Variants in CERT1 observed in about 807,000 individuals in gnomAD.
The protein encoded by CERT1 is ceramide transporter 1, also known as ceramide transfer protein.
Under a neutral mutation model 87.9 loss-of-function variants are expected in CERT1, and 31 were observed. The observed-to-expected ratio is 0.35, with a 90% CI of 0.27 to 0.48. The LOEUF is 0.48. Ranked by LOEUF, CERT1 falls within the 20% of genes least tolerant of loss-of-function variation. CERT1 has a pLI of 0.99. For missense variants in CERT1, 487 were observed against 758.0 expected (o/e 0.64, Z 4.20); for synonymous variants, 289 against 250.9 (o/e 1.15, Z -1.44).
intron 5 of CERT1, among the ~76,000 whole-genome samples, chr5:75,423,918 T>TA (rs1374157280): frequency 6.6e-6 from 1 of 151,926 alleles, no homozygotes; most frequent in African/African-American, 2.4e-5. Flanking sequence ...GAATATAGAA[T>TA]AGACAAAAAG....
At chr5:75,500,684 T>C (rs796256392) in intron 2 of CERT1, among the ~76,000 whole-genome samples, 7 of 152,308 alleles carry the variant, frequency 4.6e-5, no homozygotes, top group African/African-American at 1.7e-4. Flanking sequence ...TTCCTCTCTT[T>C]CCTTTAGTTC....
chr5:75,462,860 C>T (rs1207372072), intron 2 of CERT1, among the ~76,000 whole-genome samples: 5 of 151,480 alleles, frequency 3.3e-5, no homozygotes, highest in Admixed American at 6.6e-5. Flanking sequence ...GGTGTGGTGG[C>T]GCGCGCCTGT....
chr5:75,446,709 G>A (rs1435136899), intron 3 of CERT1, among the ~76,000 whole-genome samples: 2 of 152,142 alleles, frequency 1.3e-5, no homozygotes, highest in Non-Finnish European at 2.9e-5. Context: ...CAAGGATCCA[G>A]CCTGAGGTGG....
Position 75,379,250 on chromosome 5 carries a change from GTAAATACTTT to G in CERT1, c.*86_*95del. ...CTATAGGGGAACATCAAAAAACATAGTAAATACTTTCAACAACTAAATTTTAGTATTGACA... is the reference window on the plus strand; with the variant it reads ...CTATAGGGGAACATCAAAAAACATAGCAACAACTAAATTTTAGTATTGACA... On this transcript the variant is annotated 3_prime_UTR_variant, in exon 17 of 17. Coordinates refer to ENST00000643780, the MANE Select transcript of CERT1 (RefSeq NM_001379029.1). The G allele has an allele frequency of 8.9e-7, 1 of 1,120,234 alleles. No individual in the cohort carries two copies. Among genetic ancestry groups the G allele is most frequent in the Non-Finnish European group, 1.3e-6 (1 of 772,408 alleles). 69.4% of individuals were successfully genotyped at this position (1,120,234 alleles called of 1,614,324 possible). A position where few individuals can be genotyped will look rare whatever the true frequency, so the allele number is the denominator to read the frequency against.
At chr5:75,405,377 C>T (rs1468641571) in intron 8 of CERT1, among the ~76,000 whole-genome samples, 1 of 152,146 alleles carries the variant, frequency 6.6e-6, no homozygotes, top group African/African-American at 2.4e-5. Context: ...TTGCTCTACC[C>T]ACAGCATTCT....
intron 11 of CERT1, among the ~76,000 whole-genome samples, chr5:75,398,986 A>G (rs1762365670): frequency 6.6e-6 from 1 of 152,242 alleles, no homozygotes; most frequent in Non-Finnish European, 1.5e-5. Context: ...CACGTCCATC[A>G]AAACTGCTAA....
chr5:75,503,909 T>TA (rs1767526649), intron 2 of CERT1, among the ~76,000 whole-genome samples: 1 of 151,492 alleles, frequency 6.6e-6, no homozygotes, highest in African/African-American at 2.4e-5. Flanking sequence ...ATTAAATGTT[T>TA]AATTTAAAAT....
rs781757240 is a variant in CERT1 at position 75,378,747 on chromosome 5, AAC to A, written c.*597_*598del. ...ATCTGGAGGAATATACAACAAAAATAACAGTTTCTGGGAAAGGAAAGAATACA... is the reference window on the plus strand; with the variant it reads ...ATCTGGAGGAATATACAACAAAAATAAGTTTCTGGGAAAGGAAAGAATACA... On this transcript the variant is annotated 3_prime_UTR_variant, in exon 17 of 17. Coordinates refer to ENST00000643780, the MANE Select transcript of CERT1 (RefSeq NM_001379029.1). 1 of 152,270 alleles carries A rather than the reference AAC, an allele frequency of 6.6e-6. No individual in the cohort carries two copies. The highest frequency in any genetic ancestry group is 1.5e-5 in the Non-Finnish European group (1 of 68,052). 9.4% of individuals were successfully genotyped at this position (152,270 alleles called of 1,614,324 possible). A position where few individuals can be genotyped will look rare whatever the true frequency, so the allele number is the denominator to read the frequency against.
At position 75,428,539 on chromosome 5, in the gene CERT1, G is replaced by A. The variant is rs1331018774; in HGVS notation, c.349-2061C>T. Among the ~76,000 whole-genome samples, 5 of 152,032 alleles carry A rather than the reference G, an allele frequency of 3.3e-5. No homozygotes were observed. The East Asian group carries it at 5.8e-4, about 18-fold the overall frequency. ...TAAAAATACACAAAATTAGCAGGGC[G>A]CAGTGGCGGGCGCCTGTAGTCCCAG... On this transcript the variant is annotated intron_variant, in intron 3 of 16. Coordinates refer to ENST00000643780, the MANE Select transcript of CERT1 (RefSeq NM_001379029.1).
chr5:75,448,957 A>C (rs534100304), intron 3 of CERT1, among the ~76,000 whole-genome samples: 79 of 152,208 alleles, frequency 5.2e-4, no homozygotes, highest in Non-Finnish European at 7.9e-4. Context: ...CAGTAACCTA[A>C]ATTGTTAGTG....
chr5:75,449,569 G>A (rs949875241), intron 3 of CERT1, among the ~76,000 whole-genome samples: 2 of 152,166 alleles, frequency 1.3e-5, no homozygotes, highest in South Asian at 4.1e-4. Context: ...ATATGCATCT[G>A]AGCAGAGGGG....
chr5:75,432,607 T>G (rs1210644959), intron 3 of CERT1, among the ~76,000 whole-genome samples: 1 of 152,242 alleles, frequency 6.6e-6, no homozygotes, highest in Non-Finnish European at 1.5e-5. Flanking sequence ...TATCAGACCT[T>G]TGTTGTATGC....
intron 11 of CERT1, 37 bp downstream of exon 11, chr5:75,399,273 G>A (rs773509644): frequency 3.4e-6 from 5 of 1,462,684 alleles, no homozygotes; most frequent in Admixed American, 1.7e-5. Flanking sequence ...ATATAGCACA[G>A]AAAGACTCAA....
At chr5:75,504,415 T>C (rs1367574293) in intron 2 of CERT1, among the ~76,000 whole-genome samples, 4 of 152,288 alleles carry the variant, frequency 2.6e-5, no homozygotes, top group Admixed American at 6.5e-5. Flanking sequence ...CTTCTGTGTT[T>C]CTCTAACTTG....
intron 3 of CERT1, among the ~76,000 whole-genome samples, chr5:75,435,577 C>T (rs1483808758): frequency 6.6e-6 from 1 of 152,120 alleles, no homozygotes; most frequent in Non-Finnish European, 1.5e-5. Context: ...TTTGAAGCTG[C>T]TGTCTTTTGG....
At chr5:75,415,149 C>CACACACATACTGTGTGT (rs1763088028) in intron 7 of CERT1, among the ~76,000 whole-genome samples, 2 of 152,050 alleles carry the variant, frequency 1.3e-5, no homozygotes, top group African/African-American at 2.4e-5. Context: ...TATATATGAA[C>CACACACATACTGTGTGT]ACACACATAC....
At chr5:75,473,874 TA>T (rs1241436937) in intron 2 of CERT1, among the ~76,000 whole-genome samples, 1 of 152,152 alleles carries the variant, frequency 6.6e-6, no homozygotes, top group African/African-American at 2.4e-5. Flanking sequence ...TTAATTTTTT[TA>T]AAATGTAAAA....
intron 3 of CERT1, among the ~76,000 whole-genome samples, chr5:75,436,528 T>C (rs140916848): frequency 6.6e-6 from 1 of 152,302 alleles, no homozygotes; most frequent in Non-Finnish European, 1.5e-5. Context: ...CCCTTTCCTT[T>C]CTTTCTTTTG....
At chr5:75,374,531 C>T, downstream of CERT1, 1 of 718,344 alleles carries the variant, frequency 1.4e-6, no homozygotes, top group Non-Finnish European at 2.6e-6. Flanking sequence ...CTGTTTGCTG[C>T]ACGAACCGTG....
Sources: gnomAD v4.1 joint callset for allele counts (sites outside exome capture counted in the v4.1 genomes callset) on GRCh38, gnomAD v4.1.1 for gene constraint, MANE v1.5 for transcripts, NCBI Gene and HGNC (gene_info 2026-07-23, HGNC 2026-07-21) for gene names.